The following CAST variants were observed in gnomAD, a reference collection of about 807,000 sequenced individuals.
CAST encodes MIR583 host.
In CAST, 76 loss-of-function variants were observed where a neutral mutation model predicts 119.6. The ratio of observed to expected loss-of-function variants is 0.64; its 90% CI spans 0.53 to 0.77. CAST has a LOEUF of 0.77. Ranked by LOEUF, CAST falls within the 30% of genes least tolerant of loss-of-function variation. CAST has a pLI of 0.00. For synonymous variants in CAST, 319 were observed against 331.6 expected, an observed-to-expected ratio of 0.96 and a Z score of 0.41; for missense variants, 953 against 946.5, an observed-to-expected ratio of 1.01 and a Z score of -0.09.
the CAST span, among the ~76,000 whole-genome samples, chr5:96,235,722 A>G: frequency 2.0e-5 from 3 of 152,166 alleles, no homozygotes; most frequent in Admixed American, 6.5e-5. Flanking sequence ...CACATGACCT[A>G]GTTTCCTCCC....
chr5:96,338,867 C>T, the CAST span, among the ~76,000 whole-genome samples: 1 of 152,154 alleles, frequency 6.6e-6, no homozygotes, highest in Non-Finnish European at 1.5e-5. Context: ...TCTCATGTTT[C>T]TGTCTTCCTC....
chr5:96,159,129 A>C, the CAST span, among the ~76,000 whole-genome samples: 1 of 152,160 alleles, frequency 6.6e-6, no homozygotes, highest in South Asian at 2.1e-4. Flanking sequence ...CCACTGTGGG[A>C]AGTATACTGT....
At chr5:96,421,918 A>C in the CAST span, 3 of 1,587,000 alleles carry the variant, frequency 1.9e-6, no homozygotes, top group Non-Finnish European at 2.6e-6. Flanking sequence ...GAAATGGATC[A>C]TGGTCATTAT....
chr5:96,153,775 A>G, the CAST span, among the ~76,000 whole-genome samples: 2 of 152,208 alleles, frequency 1.3e-5, no homozygotes, highest in Admixed American at 1.3e-4. Flanking sequence ...TGCATTATTA[A>G]TTATATTACT....
the CAST span, among the ~76,000 whole-genome samples, chr5:96,056,145 T>A: frequency 6.6e-6 from 1 of 152,214 alleles, no homozygotes; most frequent in South Asian, 2.1e-4. Context: ...GTTTTTGAAA[T>A]TTTTCTATAA....
chr5:96,414,594 G>GGAGT, the CAST span, among the ~76,000 whole-genome samples: 1 of 152,170 alleles, frequency 6.6e-6, no homozygotes. Flanking sequence ...ATCAAAGGAT[G>GGAGT]GAGTAATGGA....
At chr5:96,550,515 G>A (rs1746108157) in intron 1 of CAST, among the ~76,000 whole-genome samples, 1 of 152,176 alleles carries the variant, frequency 6.6e-6, no homozygotes, top group Admixed American at 6.5e-5. Flanking sequence ...CTCCTCCAAA[G>A]GAACACAACT....
At chr5:96,434,842 A>C in the CAST span, among the ~76,000 whole-genome samples, 1 of 152,238 alleles carries the variant, frequency 6.6e-6, no homozygotes, top group South Asian at 2.1e-4. Context: ...AATGTGCACT[A>C]CATAATTTCT....
At chr5:96,433,035 C>A in the CAST span, 2 of 1,613,958 alleles carry the variant, frequency 1.2e-6, no homozygotes, top group Admixed American at 3.3e-5. Context: ...CCAGGCTCTT[C>A]GCTCCATAGC....
the CAST span, among the ~76,000 whole-genome samples, chr5:96,403,388 A>G: frequency 9.9e-5 from 15 of 152,092 alleles, no homozygotes; most frequent in Non-Finnish European, 1.9e-4. Context: ...TACATTAGGT[A>G]TATCTCCTAA....
At chr5:95,988,451 T>G in the CAST span, among the ~76,000 whole-genome samples, 1 of 152,098 alleles carries the variant, frequency 6.6e-6, no homozygotes, top group Non-Finnish European at 1.5e-5. Context: ...ATAAGGGAAG[T>G]CCCTAAATAA....
chr5:96,561,796 G>GTTTTTTTGTTTTTTTGTTT (rs1267067922), intron 1 of CAST, among the ~76,000 whole-genome samples: 1 of 97,422 alleles, frequency 1.0e-5, no homozygotes, highest in African/African-American at 3.8e-5. Flanking sequence ...GTTTTTTTTT[G>GTTTTTTTGTTTTTTTGTTT]TTTTTTTTTT....
At chr5:96,601,860 A>G (rs1747160447) in intron 1 of CAST, among the ~76,000 whole-genome samples, 1 of 152,198 alleles carries the variant, frequency 6.6e-6, no homozygotes, top group Non-Finnish European at 1.5e-5. Context: ...TTTGATAAGC[A>G]CCGTAATGCT....
chr5:96,395,727 A>T, the CAST span, among the ~76,000 whole-genome samples: 1 of 152,202 alleles, frequency 6.6e-6, no homozygotes, highest in African/African-American at 2.4e-5. Flanking sequence ...CCACCATGGC[A>T]TGTGTATACC....
At chr5:96,230,934 A>G in the CAST span, among the ~76,000 whole-genome samples, 15 of 152,170 alleles carry the variant, frequency 9.9e-5, no homozygotes, top group Admixed American at 9.8e-4. Flanking sequence ...TCAAAACCAC[A>G]ACGAGATACT....
chr5:96,323,900 C>A, the CAST span, among the ~76,000 whole-genome samples: 1 of 152,200 alleles, frequency 6.6e-6, no homozygotes, highest in Non-Finnish European at 1.5e-5. Flanking sequence ...ACCACGTGCT[C>A]TTTTCCATGA....
intron 1 of CAST, among the ~76,000 whole-genome samples, chr5:96,615,144 A>AAAAC (rs1347841690): frequency 1.3e-5 from 2 of 152,210 alleles, no homozygotes; most frequent in African/African-American, 4.8e-5. Flanking sequence ...ACTTTATTAT[A>AAAAC]AAACAGGCTT....
the CAST span, among the ~76,000 whole-genome samples, chr5:96,181,654 T>C: frequency 2.0e-5 from 3 of 152,240 alleles, no homozygotes; most frequent in Non-Finnish European, 4.4e-5. Context: ...TTCTTAACTT[T>C]TGCTTCTGTG....
At chr5:96,195,864 G>A in the CAST span, among the ~76,000 whole-genome samples, 2 of 152,006 alleles carry the variant, frequency 1.3e-5, no homozygotes, top group African/African-American at 4.8e-5. Flanking sequence ...TTAAATACAG[G>A]CATTTAATAT....
Sources: gnomAD v4.1 joint callset for allele counts (sites outside exome capture counted in the v4.1 genomes callset) on GRCh38, gnomAD v4.1.1 for gene constraint, MANE v1.5 for transcripts, NCBI Gene and HGNC (gene_info 2026-07-23, HGNC 2026-07-21) for gene names.